The following ITGA11 variants were observed in gnomAD, a reference collection of about 807,000 sequenced individuals.
ITGA11 encodes integrin alpha-11.
A neutral mutation model predicts 141.9 loss-of-function variants in ITGA11; 97 were observed. The ratio of observed to expected loss-of-function variants is 0.68; its 90% CI spans 0.58 to 0.81. The LOEUF (loss-of-function observed/expected upper bound fraction) is 0.81. Among genes scored for constraint, ITGA11 ranks in the 30% least tolerant of loss-of-function variants. The probability of loss-of-function intolerance (pLI) is 0.00; values close to 1 mark genes in which losing one functional copy is unlikely to be tolerated. For missense variants in ITGA11, 1,387 were observed against 1,559.2 expected (o/e 0.89, Z 1.86); for synonymous variants, 658 against 624.6 (o/e 1.05, Z -0.80).
At chr15:68,413,925 A>G (rs1285384701) in intron 1 of ITGA11, among the ~76,000 whole-genome samples, 3 of 152,204 alleles carry the variant, frequency 2.0e-5, no homozygotes, top group Admixed American at 6.5e-5. Context: ...GAAAATCACC[A>G]TCAAACGTTT....
rs893587504 is a variant in ITGA11, at chr15:68,322,257, G to A, written c.2323-754C>T. On this transcript the variant is annotated intron_variant, in intron 18 of 29. Coordinates refer to ENST00000315757, the MANE Select transcript of ITGA11 (RefSeq NM_001004439.2). The surrounding 1 kb of genome is among the most constrained non-coding windows in gnomAD (Gnocchi z 5.6). ...TCATTCCTTGCAACTGGTAGGAGTC[G>A]CCGAATGCCTCAGGCAGGGAATGTC... is the stretch of plus-strand genomic sequence containing the variant. 6.6e-6 allele frequency among the ~76,000 whole-genome samples: 1 copy of A among 152,176 alleles called. No individual in the cohort carries two copies. The highest frequency in any genetic ancestry group is 2.1e-4 in the South Asian group (1 of 4,828).
intron 3 of ITGA11, among the ~76,000 whole-genome samples, chr15:68,365,745 C>T (rs1176883443): frequency 8.6e-5 from 13 of 150,508 alleles, no homozygotes; most frequent in African/African-American, 2.7e-4. Flanking sequence ...CTTTTCTTTT[C>T]TTTTTTTTGA....
chr15:68,340,939 T>A (rs915394296), intron 10 of ITGA11: 1 of 152,212 alleles, frequency 6.6e-6, no homozygotes, highest in Non-Finnish European at 1.5e-5. Flanking sequence ...GGGCAGACTG[T>A]CTGGATCCCA....
intron 1 of ITGA11, among the ~76,000 whole-genome samples, chr15:68,423,047 G>A (rs1270745475): frequency 6.6e-6 from 1 of 152,202 alleles, no homozygotes; most frequent in Non-Finnish European, 1.5e-5. Context: ...CAAAGAAATT[G>A]AAGACATCTA....
intron 10 of ITGA11, among the ~76,000 whole-genome samples, chr15:68,343,152 G>A (rs898672298): frequency 3.9e-5 from 6 of 152,088 alleles, no homozygotes; most frequent in South Asian, 2.1e-4. Flanking sequence ...AGCTCTTCTC[G>A]TTCATGAATC....
chr15:68,334,660 G>A (rs1369639538), intron 12 of ITGA11, among the ~76,000 whole-genome samples: 1 of 152,162 alleles, frequency 6.6e-6, no homozygotes, highest in Non-Finnish European at 1.5e-5. Context: ...GGGGGCGGGA[G>A]AAATTTGTCT....
At chr15:68,385,738 T>C (rs1456663830) in intron 2 of ITGA11, among the ~76,000 whole-genome samples, 7 of 152,192 alleles carry the variant, frequency 4.6e-5, no homozygotes, top group Non-Finnish European at 1.0e-4. Context: ...GAAGCAACTC[T>C]GGGCTGGGGG....
rs779497373 is a variant in ITGA11 at position 68,305,388 on chromosome 15, C to T, written c.3382-1503G>A. 1.3e-5 allele frequency among the ~76,000 whole-genome samples: 2 copies of T among 152,276 alleles called. No homozygotes were observed. Among genetic ancestry groups the T allele is most frequent in the African/African-American group, 2.4e-5 (1 of 41,566 alleles). ...GGTAGCCCTTATCACCAGTTGATAA[C>T]GTTTATATTTATGTTTATTGCCTGC... is the stretch of plus-strand genomic sequence containing the variant. On this transcript the variant is annotated intron_variant, in intron 28 of 29. Coordinates refer to ENST00000315757, the MANE Select transcript of ITGA11 (RefSeq NM_001004439.2). The surrounding 1 kb of genome is among the most constrained non-coding windows in gnomAD (Gnocchi z 4.6).
chr15:68,312,535 T>C (rs576756963), intron 24 of ITGA11, among the ~76,000 whole-genome samples: 2 of 152,056 alleles, frequency 1.3e-5, no homozygotes, highest in Non-Finnish European at 2.9e-5. Flanking sequence ...ATTTAAGAAT[T>C]TTAGGCAACC....
chr15:68,320,297 C>A lies in ITGA11; in HGVS notation c.2504G>T (p.Arg835Leu). The change falls in exon 20 of 30, where the codon CGC becomes CTC. Residue 835 changes from arginine (R) to leucine (L), a missense_variant. By Grantham distance (102) the Arg-to-Leu change is moderately radical (BLOSUM62 -2). Coordinates refer to ENST00000315757, the MANE Select transcript of ITGA11 (RefSeq NM_001004439.2). Reference sequence around the variant, plus strand: ...TGTGGCCTCCACCGCCACTCGCTGGCGTGTGCTCTCTATGATGAAGACTGT... The same window carrying A: ...TGTGGCCTCCACCGCCACTCGCTGGAGTGTGCTCTCTATGATGAAGACTGT... ...DTTVFIIEST[R>L]QRVAVEATLE... 6.2e-7 allele frequency: 1 copy of A among 1,613,980 alleles called. No homozygotes were observed. The highest frequency in any genetic ancestry group is 8.5e-7 in the Non-Finnish European group (1 of 1,179,866).
chr15:68,333,434 G>A lies in ITGA11; in HGVS notation c.1426-956C>T, dbSNP rs746903018. 1.2e-4 allele frequency among the ~76,000 whole-genome samples: 18 copies of A among 152,244 alleles called. No individual in the cohort carries two copies. Among genetic ancestry groups the A allele is most frequent in the Middle Eastern group, 6.8e-3 (2 of 294 alleles). On this transcript the variant is annotated intron_variant, in intron 12 of 29. Coordinates refer to ENST00000315757, the MANE Select transcript of ITGA11 (RefSeq NM_001004439.2). This position sits in a 1 kb window ranked among gnomAD's most constrained non-coding sequence, Gnocchi z 4.2. ...TATAAATCATTCTGGCATTAGCATC[G>A]TGGATGGTGAATTATGATTTCTTTC...
chr15:68,351,530 G>T, intron 7 of ITGA11, 128 bp from the exon 8 acceptor site: 1 of 963,042 alleles, frequency 1.0e-6, no homozygotes, highest in Non-Finnish European at 1.6e-6. Flanking sequence ...ACAGGTGCCA[G>T]GACCTCAAAC....
chr15:68,335,489 G>A lies in ITGA11; in HGVS notation c.1425+208C>T, dbSNP rs1894317986. On this transcript the variant is annotated intron_variant, in intron 12 of 29. Transcript: ENST00000315757. The surrounding 1 kb of genome is among the most constrained non-coding windows in gnomAD (Gnocchi z 4.9). The stretch of plus-strand genomic sequence containing the variant: ...TCATTGCTTCCATTCCAGGAAAAGG[G>A]AAGCAGCTGGCATCCTGGAGGGCCC... 6.6e-6 allele frequency among the ~76,000 whole-genome samples: 1 copy of A among 152,226 alleles called. No homozygotes were observed. The highest frequency in any genetic ancestry group is 6.5e-5 in the Admixed American group (1 of 15,286).
chr15:68,356,551 TG>T (rs1409073504), intron 7 of ITGA11, among the ~76,000 whole-genome samples: 5 of 152,250 alleles, frequency 3.3e-5, no homozygotes, highest in African/African-American at 9.6e-5. Flanking sequence ...AGAGTGTCTG[TG>T]GCAGAAGCTA....
chr15:68,416,302 C>T (rs1003253451), intron 1 of ITGA11, among the ~76,000 whole-genome samples: 4 of 152,146 alleles, frequency 2.6e-5, no homozygotes, highest in African/African-American at 4.8e-5. Flanking sequence ...AGTGAGGGTC[C>T]CTTCCCTGGG....
intron 3 of ITGA11, among the ~76,000 whole-genome samples, chr15:68,365,977 G>A (rs550627003): frequency 5.1e-4 from 77 of 152,296 alleles, no homozygotes; most frequent in African/African-American, 1.8e-3. Flanking sequence ...GGAGTCTGGG[G>A]GTGGGCCGCT....
intron 24 of ITGA11, 102 bp downstream of exon 24, chr15:68,312,671 C>T (rs1893428463): frequency 4.7e-6 from 4 of 842,826 alleles, no homozygotes; most frequent in Non-Finnish European, 7.5e-6. Context: ...AGGGTTGAGG[C>T]TGGACTCCGG....
At position 68,299,308 on chromosome 15, in the gene ITGA11, T is replaced by C. The variant is rs1892974167; in HGVS notation, c.*3751A>G. ...TAGCATGATGTTGAAACTAATAGAATAGACAGTGACACAAAAGCACTGTGC... is the reference window on the plus strand; with the variant it reads ...TAGCATGATGTTGAAACTAATAGAACAGACAGTGACACAAAAGCACTGTGC... On this transcript the variant is annotated 3_prime_UTR_variant, in exon 30 of 30. Coordinates refer to ENST00000315757, the MANE Select transcript of ITGA11 (RefSeq NM_001004439.2). The C allele has an allele frequency of 6.6e-6, 1 of 152,096 alleles. No individual in the cohort carries two copies. The highest frequency in any genetic ancestry group is 6.5e-5 in the Admixed American group (1 of 15,270). The allele number at this position is 152,096 out of a possible 1,614,324, so 9.4% of individuals were successfully genotyped here. A position where few individuals can be genotyped will look rare whatever the true frequency, so the allele number is the denominator to read the frequency against.
At chr15:68,382,986 G>A (rs1025279403) in intron 2 of ITGA11, among the ~76,000 whole-genome samples, 2 of 152,152 alleles carry the variant, frequency 1.3e-5, no homozygotes, top group African/African-American at 4.8e-5. Context: ...AAATCCCAAG[G>A]AGCAGCCAGG....
Sources: gnomAD v4.1 joint callset for allele counts (sites outside exome capture counted in the v4.1 genomes callset) on GRCh38, gnomAD v4.1.1 for gene constraint, Gnocchi (gnomAD v3.1) non-coding constraint, MANE v1.5 for transcripts, NCBI Gene and HGNC (gene_info 2026-07-23, HGNC 2026-07-21) for gene names.